ZNF114: variants seen among roughly 807,000 people sequenced by gnomAD.
ZNF114 encodes zinc finger protein 114 (Y18).
ZNF114 carries 8 observed loss-of-function variants against 6.8 expected under a neutral mutation model. That is an observed-to-expected ratio of 1.18 (90% CI 0.69 to 2.13). The LOEUF is 2.13. Among genes scored for constraint, ZNF114 ranks in the 30% most tolerant of loss-of-function variants. ZNF114 has a pLI of 0.00. For missense variants in ZNF114, 472 were observed against 519.5 expected (o/e 0.91, Z 0.89); for synonymous variants, 169 against 185.5 (o/e 0.91, Z 0.72).
At chr19:48,274,541 T>G (rs1239047476) in intron 3 of ZNF114, among the ~76,000 whole-genome samples, 1 of 150,426 alleles carries the variant, frequency 6.6e-6, no homozygotes, top group East Asian at 1.9e-4. Context: ...AGTTTTTCTC[T>G]TGTTATCCAG....
chr19:48,270,424 G>GC (rs1240638151), intron 1 of ZNF114, among the ~76,000 whole-genome samples: 35 of 120,026 alleles, frequency 2.9e-4, no homozygotes, highest in African/African-American at 1.1e-3. Context: ...AATAAGAAAA[G>GC]GAAAAAAATA....
At chr19:48,277,763 T>C (rs1442942988) in intron 3 of ZNF114, among the ~76,000 whole-genome samples, 2 of 131,416 alleles carry the variant, frequency 1.5e-5, no homozygotes, top group African/African-American at 5.8e-5. Context: ...TCTAAGCATT[T>C]TCTATGAATA....
At chr19:48,272,368 A>T (rs1157948169) in intron 3 of ZNF114, among the ~76,000 whole-genome samples, 12 of 141,676 alleles carry the variant, frequency 8.5e-5, no homozygotes, top group East Asian at 2.1e-4. Flanking sequence ...GCCGAAATCG[A>T]GCCATTGCAC....
chr19:48,275,517 G>A (rs896328782), intron 3 of ZNF114, among the ~76,000 whole-genome samples: 4 of 151,772 alleles, frequency 2.6e-5, no homozygotes, highest in Non-Finnish European at 5.9e-5. Context: ...GGCTAAGACA[G>A]GAGAATCTCT....
intron 3 of ZNF114, among the ~76,000 whole-genome samples, chr19:48,275,182 AAGAG>A (rs939240120): frequency 4.8e-5 from 7 of 144,674 alleles, no homozygotes; most frequent in Admixed American, 2.1e-4. Context: ...GGAAGAGAGA[AAGAG>A]AGAGAGAAAA....
intron 5 of ZNF114, among the ~76,000 whole-genome samples, chr19:48,284,708 G>A (rs1460664056): frequency 6.6e-6 from 1 of 152,220 alleles, no homozygotes. Flanking sequence ...TGGGATTACA[G>A]GCGTGAGCCA....
intron 5 of ZNF114, among the ~76,000 whole-genome samples, chr19:48,283,676 A>C (rs908575012): frequency 1.3e-5 from 2 of 152,006 alleles, no homozygotes; most frequent in African/African-American, 4.8e-5. Context: ...CATGGTGCCA[A>C]CCGAGGAGAT....
intron 3 of ZNF114, among the ~76,000 whole-genome samples, chr19:48,277,231 C>T (rs1161297198): frequency 6.6e-6 from 1 of 151,688 alleles, no homozygotes; most frequent in Admixed American, 6.6e-5. Context: ...GCTTGTGGTC[C>T]CAGCTACTTG....
At chr19:48,285,461 G>A (rs1234712800) in intron 5 of ZNF114, among the ~76,000 whole-genome samples, 1 of 151,960 alleles carries the variant, frequency 6.6e-6, no homozygotes, top group Non-Finnish European at 1.5e-5. Context: ...TCATGCCACT[G>A]CACTCCAGCC....
intron 4 of ZNF114, 84 bp downstream of exon 4, chr19:48,279,892 TA>T: frequency 6.2e-7 from 1 of 1,604,460 alleles, no homozygotes; most frequent in East Asian, 2.2e-5. Context: ...GGGAGTCAGG[TA>T]AAGCACATGG....
chr19:48,271,856 G>A (rs1967666247), intron 3 of ZNF114, 28 bp downstream of exon 3: 1 of 152,278 alleles, frequency 6.6e-6, no homozygotes, highest in Non-Finnish European at 1.5e-5. Flanking sequence ...TCCGTACTAA[G>A]GGCGGGACCG....
Position 48,286,943 on chromosome 19 carries a change from G to A in ZNF114, c.*65G>A, listed in dbSNP as rs1968149705. 1 of 1,495,036 alleles carries A rather than the reference G, an allele frequency of 6.7e-7. No individual in the cohort carries two copies. Among genetic ancestry groups the A allele is most frequent in the Non-Finnish European group, 8.9e-7 (1 of 1,122,372 alleles). The allele number at this position is 1,495,036 out of a possible 1,614,324, so 92.6% of individuals were successfully genotyped here. Reference sequence around the variant, plus strand: ...CCAAACATGTGAGGAGGACATATTGGAAGGGAGCTCAAGGGGTTAGCATGA... The same window carrying A: ...CCAAACATGTGAGGAGGACATATTGAAAGGGAGCTCAAGGGGTTAGCATGA... On this transcript the variant is annotated 3_prime_UTR_variant, in exon 6 of 6. Transcript: ENST00000595607.
At position 48,286,272 on chromosome 19, in the gene ZNF114, G is replaced by A. The variant is rs766780583; in HGVS notation, c.648G>A (p.Thr216=). 33 of 1,614,034 alleles carry A rather than the reference G, an allele frequency of 2.0e-5. No homozygotes were observed. The highest frequency in any genetic ancestry group is 2.5e-5 in the Non-Finnish European group (29 of 1,180,038). The change falls in exon 6 of 6, where the codon ACG becomes ACA. Residue 216 remains threonine (T), a synonymous_variant. Coordinates refer to ENST00000595607, the MANE Select transcript of ZNF114 (RefSeq NM_153608.4). ...TVHHIRDEID[T]GANRHQRNPF... is the part of the protein sequence containing the mutation. ...ATCATATACGTGATGAAATTGATAC[G>A]GGGGCCAACAGGCACCAGCGGAATC... is the stretch of plus-strand genomic sequence containing the variant.
Position 48,286,185 on chromosome 19 carries a change from T to G in ZNF114, c.561T>G (p.Val187=). ...DGVLGWNIQW[V]PCGRKTELKS... is the part of the protein sequence containing the mutation. ...TCTTGGGGTGGAACATTCAGTGGGT[T>G]CCGTGTGGGAGAAAAACAGAGCTGA... The change falls in exon 6 of 6, where the codon GTT becomes GTG. Residue 187 remains valine, a synonymous_variant. Coordinates refer to ENST00000595607, the MANE Select transcript of ZNF114 (RefSeq NM_153608.4). The G allele has an allele frequency of 6.2e-7, 1 of 1,614,174 alleles. No homozygotes were observed. The highest frequency in any genetic ancestry group is 8.5e-7 in the Non-Finnish European group (1 of 1,180,044).
intron 1 of ZNF114, among the ~76,000 whole-genome samples, chr19:48,270,574 AAAG>A (rs1196030859): frequency 2.4e-4 from 36 of 147,622 alleles, no homozygotes; most frequent in African/African-American, 6.4e-4. Flanking sequence ...AAGAAAAAAG[AAAG>A]AAGAAAGAAA....
At position 48,283,590 on chromosome 19, in the gene ZNF114, G is replaced by A. The variant is rs567763102; in HGVS notation, c.136+1093G>A. Among the ~76,000 whole-genome samples the A allele has an allele frequency of 9.2e-5, 14 of 152,282 alleles. No individual in the cohort carries two copies. In the South Asian group the frequency reaches 2.9e-3, roughly 32 times the overall value. On this transcript the variant is annotated intron_variant, in intron 5 of 5. Coordinates refer to ENST00000595607, the MANE Select transcript of ZNF114 (RefSeq NM_153608.4). ...GGACCAACAGGTTTGTAAGCCAGCA[G>A]CATGGTAACAGAGCAACAGGCTCGC...
chr19:48,280,527 T>TC (rs1967961295), intron 4 of ZNF114, among the ~76,000 whole-genome samples: 1 of 151,096 alleles, frequency 6.6e-6, no homozygotes, highest in Non-Finnish European at 1.5e-5. Flanking sequence ...AGCAGTGGAC[T>TC]GAGACGTGCC....
At position 48,282,484 on chromosome 19, in the gene ZNF114, C is replaced by G; in HGVS notation, c.123C>G (p.Asn41Lys). 1 of 1,608,748 alleles carries G rather than the reference C, an allele frequency of 6.2e-7. No individual in the cohort carries two copies. Among genetic ancestry groups the G allele is most frequent in the Non-Finnish European group, 8.5e-7 (1 of 1,176,410 alleles). ...YRDVMLENSR[N>K]LAFIDWATPC... Reference sequence around the variant, plus strand: ...ACGTGATGCTGGAAAATTCTAGGAACTTGGCATTCATAGGTAAGGAGGCCC... The same window carrying G: ...ACGTGATGCTGGAAAATTCTAGGAAGTTGGCATTCATAGGTAAGGAGGCCC... The change falls in exon 5 of 6, where the codon AAC becomes AAG. Residue 41 changes from asparagine (N) to lysine (K), a missense_variant. Coordinates refer to ENST00000595607, the MANE Select transcript of ZNF114 (RefSeq NM_153608.4).
At chr19:48,270,757 AAAAGAG>A (rs1395095775) in intron 1 of ZNF114, among the ~76,000 whole-genome samples, 1 of 96,820 alleles carries the variant, frequency 1.0e-5, no homozygotes, top group Non-Finnish European at 2.2e-5. Flanking sequence ...GAAAAGAGAA[AAAAGAG>A]AAAGAAAGAA....
Sources: allele counts gnomAD v4.1 joint callset (sites outside exome capture counted in the v4.1 genomes callset), GRCh38; gene constraint gnomAD v4.1.1; transcripts MANE v1.5; gene names NCBI Gene and HGNC (gene_info 2026-07-23, HGNC 2026-07-21).